ACOX2: variants seen among roughly 807,000 people sequenced by gnomAD.
ACOX2 encodes acyl-CoA oxidase 2, also known as peroxisomal acyl-coenzyme A oxidase 2.
Under a neutral mutation model 77.5 loss-of-function variants are expected in ACOX2, and 59 were observed. The observed-to-expected ratio is 0.76, with a 90% CI of 0.62 to 0.95. The LOEUF is 0.95. ACOX2 is among the 40% of genes least tolerant of loss of function. The pLI, the probability that ACOX2 is intolerant of heterozygous loss-of-function variation, is 0.00. For synonymous variants in ACOX2, 317 were observed against 340.1 expected (o/e 0.93, Z 0.75); for missense variants, 837 against 880.4 (o/e 0.95, Z 0.62).
At position 58,535,888 on chromosome 3, in the gene ACOX2, G is replaced by A. The variant is rs2063478116; in HGVS notation, c.-91-691C>T. Reference sequence around the variant, plus strand: ...AGGTGCAGTCCATCCTATTTCACAAGTCTCTTGAGTCCATCTGCTCCTTGC... The same window carrying A: ...AGGTGCAGTCCATCCTATTTCACAAATCTCTTGAGTCCATCTGCTCCTTGC... On this transcript the variant is annotated intron_variant, in intron 1 of 14. Coordinates refer to ENST00000302819, the MANE Select transcript of ACOX2 (RefSeq NM_003500.4). This position sits in a 1 kb window ranked among gnomAD's most constrained non-coding sequence, Gnocchi z 4.8. Among the ~76,000 whole-genome samples the A allele has an allele frequency of 6.6e-6, 1 of 152,142 alleles. No homozygotes were observed. The highest frequency in any genetic ancestry group is 1.5e-5 in the Non-Finnish European group (1 of 68,026).
In ACOX2 at chr3:58,533,548, T is replaced by G. The variant is rs997276826; in HGVS notation, c.480A>C (p.Thr160=). 1.2e-6 allele frequency: 2 copies of G among 1,613,830 alleles called. No individual in the cohort carries two copies. Among genetic ancestry groups the G allele is most frequent in the African/African-American group, 2.7e-5 (2 of 74,906 alleles). ...CTTCAGTCTCCAGGCCCTGAAGATA[T>G]GTCCCTTAGGATCAAGGAGAGGTGT... ...TYAQTELGHG[T]YLQGLETEAT... The change falls in exon 5 of 15, where the codon ACA becomes ACC. Residue 160 remains threonine, a synonymous_variant. Coordinates refer to ENST00000302819, the MANE Select transcript of ACOX2 (RefSeq NM_003500.4). The surrounding 1 kb of genome is among the most constrained non-coding windows in gnomAD (Gnocchi z 5.6).
chr3:58,526,396 C>T lies in ACOX2; in HGVS notation c.1346+70G>A. The stretch of plus-strand genomic sequence containing the variant: ...TCTTTTTATGGGCCTCAGACGGAAC[C>T]CTCCACCCAACAGAAGCTTGGTGGG... On this transcript the variant is annotated intron_variant, in intron 10 of 14. Coordinates refer to ENST00000302819, the MANE Select transcript of ACOX2 (RefSeq NM_003500.4). The surrounding 1 kb of genome is among the most constrained non-coding windows in gnomAD (Gnocchi z 4.3). 1 of 1,494,120 alleles carries T rather than the reference C, an allele frequency of 6.7e-7. No individual in the cohort carries two copies. The allele number at this position is 1,494,120 out of a possible 1,614,324, so 92.6% of individuals were successfully genotyped here.
intron 8 of ACOX2, 195 bp from the exon 9 acceptor site, chr3:58,529,151 C>G: frequency 2.0e-6 from 1 of 506,852 alleles, no homozygotes; most frequent in Non-Finnish European, 3.3e-6. Context: ...TGCAGGAATA[C>G]TGACACATTT....
In ACOX2 at chr3:58,522,669, T is replaced by G; in HGVS notation, c.1527-68A>C. Reference sequence around the variant, plus strand: ...GAAAAGACAACTGATGGGCTTCCTGTGGTCCCTCAGAAGTAGAAATAATGC... The same window carrying G: ...GAAAAGACAACTGATGGGCTTCCTGGGGTCCCTCAGAAGTAGAAATAATGC... On this transcript the variant is annotated intron_variant, in intron 11 of 14. Coordinates refer to ENST00000302819, the MANE Select transcript of ACOX2 (RefSeq NM_003500.4). The surrounding 1 kb of genome is among the most constrained non-coding windows in gnomAD (Gnocchi z 4.3). The G allele has an allele frequency of 1.4e-6, 2 of 1,390,634 alleles. No individual in the cohort carries two copies. Among genetic ancestry groups the G allele is most frequent in the East Asian group, 2.3e-5 (1 of 43,710 alleles). 86.1% of individuals were successfully genotyped at this position (1,390,634 alleles called of 1,614,324 possible).
intron 12 of ACOX2, among the ~76,000 whole-genome samples, chr3:58,520,722 A>G (rs1419103287): frequency 6.6e-6 from 1 of 152,152 alleles, no homozygotes; most frequent in Non-Finnish European, 1.5e-5. Context: ...AGAAAGCCCT[A>G]TCCATTATGA....
At chr3:58,517,150 C>CA (rs1197332601) in intron 13 of ACOX2, 56 bp downstream of exon 13, 1 of 1,587,354 alleles carries the variant, frequency 6.3e-7, no homozygotes, top group Non-Finnish European at 8.6e-7. Context: ...GACCTGTGAA[C>CA]AAGGGGTAGG....
chr3:58,522,443 C>A lies in ACOX2; in HGVS notation c.1632+53G>T, dbSNP rs2063364869. The A allele has an allele frequency of 1.9e-6, 3 of 1,568,034 alleles. No individual in the cohort carries two copies. Among genetic ancestry groups the A allele is most frequent in the Middle Eastern group, 1.9e-4 (1 of 5,248 alleles). ...AGCCCGGATTTTCCCAGCAGGGTAG[C>A]CTGCCTGGGAAGCAAAATGGATCCC... On this transcript the variant is annotated intron_variant, in intron 12 of 14. Transcript: ENST00000302819. The surrounding 1 kb of genome is among the most constrained non-coding windows in gnomAD (Gnocchi z 4.3).
rs763608617 is a variant in ACOX2, at chr3:58,534,344, C to T, written c.323+16G>A. 2.1e-5 allele frequency: 34 copies of T among 1,613,624 alleles called. No individual in the cohort carries two copies. Among genetic ancestry groups the T allele is most frequent in the Non-Finnish European group, 2.8e-5 (33 of 1,179,798 alleles). Reference sequence around the variant, plus strand: ...GGTAGATCCCTCTCTAGTGGGGCTGCTCGAGGAGTGAGCACCTGTAAGCGT... The same window carrying T: ...GGTAGATCCCTCTCTAGTGGGGCTGTTCGAGGAGTGAGCACCTGTAAGCGT... On this transcript the variant is annotated intron_variant, in intron 3 of 14. Coordinates refer to ENST00000302819, the MANE Select transcript of ACOX2 (RefSeq NM_003500.4). This position sits in a 1 kb window ranked among gnomAD's most constrained non-coding sequence, Gnocchi z 4.8.
At chr3:58,509,266 G>A (rs1416016435) in intron 13 of ACOX2, among the ~76,000 whole-genome samples, 1 of 152,046 alleles carries the variant, frequency 6.6e-6, no homozygotes, top group Non-Finnish European at 1.5e-5. Context: ...GGTGGCTCAC[G>A]CCTGTAATCC....
At chr3:58,529,941 A>G (rs901425884) in intron 8 of ACOX2, among the ~76,000 whole-genome samples, 1 of 152,196 alleles carries the variant, frequency 6.6e-6, no homozygotes, top group Non-Finnish European at 1.5e-5. Context: ...AACCAATTAC[A>G]ACAAAAGGGA....
chr3:58,508,529 T>A (rs2063250809), intron 14 of ACOX2, among the ~76,000 whole-genome samples: 1 of 152,200 alleles, frequency 6.6e-6, no homozygotes, highest in African/African-American at 2.4e-5. Context: ...GAAAATAAGG[T>A]GGTTCAATTA....
rs2063228469 is a variant in ACOX2, at chr3:58,505,608, G to A, written c.1984-322C>T. ...TCTGAAACTGAACATTAATCACAAA[G>A]CAAGGAACCAGATAGGGATCATATA... On this transcript the variant is annotated intron_variant, in intron 14 of 14. Coordinates refer to ENST00000302819, the MANE Select transcript of ACOX2 (RefSeq NM_003500.4). This position sits in a 1 kb window ranked among gnomAD's most constrained non-coding sequence, Gnocchi z 4.4. Among the ~76,000 whole-genome samples, 1 of 152,172 alleles carries A rather than the reference G, an allele frequency of 6.6e-6. No homozygotes were observed. Among genetic ancestry groups the A allele is most frequent in the African/African-American group, 2.4e-5 (1 of 41,416 alleles).
rs1049637357 is a variant in ACOX2 at position 58,515,970 on chromosome 3, C to T, written c.1850+1236G>A. ...AGAGGTGGGGTTTTGCCATGTTGCC[C>T]AGGCTTTTTTTTTTCTTTATTGTTT... On this transcript the variant is annotated intron_variant, in intron 13 of 14. Coordinates refer to ENST00000302819, the MANE Select transcript of ACOX2 (RefSeq NM_003500.4). The surrounding 1 kb of genome is among the most constrained non-coding windows in gnomAD (Gnocchi z 4.0). Among the ~76,000 whole-genome samples, 1 of 137,984 alleles carries T rather than the reference C, an allele frequency of 7.2e-6. No individual in the cohort carries two copies. Among genetic ancestry groups the T allele is most frequent in the Non-Finnish European group, 1.5e-5 (1 of 65,208 alleles). The allele number at this position is 137,984 out of a possible 152,430, so 90.5% of individuals were successfully genotyped here.
Sources: gnomAD v4.1 joint callset for allele counts (sites outside exome capture counted in the v4.1 genomes callset) on GRCh38, gnomAD v4.1.1 for gene constraint, Gnocchi (gnomAD v3.1) non-coding constraint, MANE v1.5 for transcripts, NCBI Gene and HGNC (gene_info 2026-07-23, HGNC 2026-07-21) for gene names.